TLE4: variants seen among roughly 807,000 people sequenced by gnomAD.
TLE4 encodes the protein TLE family member 4, transcriptional corepressor, also known as transducin-like enhancer protein 4.
Under a neutral mutation model 92.8 loss-of-function variants are expected in TLE4, and 8 were observed. The observed-to-expected ratio is 0.09, with a 90% CI of 0.05 to 0.16. The LOEUF is 0.16. Ranked by LOEUF, TLE4 falls within the 10% of genes least tolerant of loss-of-function variation. The pLI is 1.00. For synonymous variants in TLE4, 371 were observed against 374.1 expected (o/e 0.99, Z 0.10); for missense variants, 675 against 997.6 (o/e 0.68, Z 4.36).
chr9:79,663,144 C>T (rs2060819508), intron 8 of TLE4, among the ~76,000 whole-genome samples: 1 of 152,170 alleles, frequency 6.6e-6, no homozygotes, highest in Non-Finnish European at 1.5e-5. Context: ...TTGGGACTCG[C>T]ACAGCTAGCG....
At chr9:79,627,265 C>G in intron 5 of TLE4, 109 bp from the exon 6 acceptor site, 1 of 1,102,958 alleles carries the variant, frequency 9.1e-7, no homozygotes, top group Non-Finnish European at 1.4e-6. Context: ...TGGAGATCCC[C>G]CAAATGCTGT....
At chr9:79,625,915 T>A (rs975511674) in intron 5 of TLE4, among the ~76,000 whole-genome samples, 4 of 150,244 alleles carry the variant, frequency 2.7e-5, no homozygotes, top group Non-Finnish European at 4.4e-5. Flanking sequence ...TTATATATAT[T>A]TTGGGATTGC....
intron 6 of TLE4, among the ~76,000 whole-genome samples, chr9:79,631,942 C>A (rs1489111402): frequency 2.0e-5 from 3 of 152,190 alleles, no homozygotes; most frequent in Admixed American, 2.0e-4. Flanking sequence ...GATACATGGC[C>A]TCCAGTAACA....
At chr9:79,573,458 G>A in intron 1 of TLE4, 1 of 1,065,470 alleles carries the variant, frequency 9.4e-7, no homozygotes, top group East Asian at 3.5e-5. Context: ...CTCGGGGTCC[G>A]GGGCGCGGGG....
At position 79,725,326 on chromosome 9, in the gene TLE4, A is replaced by C; in HGVS notation, c.*182A>C. 2.0e-6 allele frequency: 1 copy of C among 497,314 alleles called. No individual in the cohort carries two copies. Among genetic ancestry groups the C allele is most frequent in the Non-Finnish European group, 3.6e-6 (1 of 276,274 alleles). The allele number at this position is 497,314 out of a possible 1,614,324, so 30.8% of individuals were successfully genotyped here. On this transcript the variant is annotated 3_prime_UTR_variant, in exon 20 of 20. Transcript: ENST00000376552. ...GCTATTGAATTGTGAATAGTCATTA[A>C]AAACCTGTGATACCAAATCTTCAGC...
chr9:79,693,604 C>T lies in TLE4; in HGVS notation c.610-11179C>T, dbSNP rs576151382. On this transcript the variant is annotated intron_variant, in intron 8 of 19. Transcript: ENST00000376552. The stretch of plus-strand genomic sequence containing the variant: ...TGTCCTGCGGTGGGACATGCATGCA[C>T]ACATGCCACACGTGTGCATGCATGG... 8.9e-5 allele frequency: 45 copies of T among 504,562 alleles called. 1 individual carries two copies. Among genetic ancestry groups the T allele is most frequent in the South Asian group, 6.5e-4 (45 of 68,944 alleles). 31.3% of individuals were successfully genotyped at this position (504,562 alleles called of 1,614,324 possible).
At chr9:79,616,977 C>T (rs974083872) in intron 5 of TLE4, among the ~76,000 whole-genome samples, 1 of 152,150 alleles carries the variant, frequency 6.6e-6, no homozygotes, top group Admixed American at 6.5e-5. Context: ...TTATATGTAT[C>T]AAAATGTAAC....
chr9:79,621,221 A>G (rs1466065079), intron 5 of TLE4, among the ~76,000 whole-genome samples: 1 of 152,194 alleles, frequency 6.6e-6, no homozygotes, highest in Admixed American at 6.5e-5. Context: ...ATCCTGACTT[A>G]GCAGACATGG....
At chr9:79,696,791 A>T (rs1216516347) in intron 8 of TLE4, among the ~76,000 whole-genome samples, 2 of 152,176 alleles carry the variant, frequency 1.3e-5, no homozygotes, top group Non-Finnish European at 2.9e-5. Flanking sequence ...CTGTTACCCT[A>T]CTTCAGCTTT....
At chr9:79,597,072 A>G (rs2044214803) in intron 4 of TLE4, among the ~76,000 whole-genome samples, 1 of 152,124 alleles carries the variant, frequency 6.6e-6, no homozygotes, top group South Asian at 2.1e-4. Flanking sequence ...CATATCATCC[A>G]GGTTTTACAC....
intron 4 of TLE4, among the ~76,000 whole-genome samples, chr9:79,605,977 A>G (rs983303005): frequency 1.3e-5 from 2 of 152,016 alleles, no homozygotes; most frequent in African/African-American, 4.8e-5. Flanking sequence ...TTCAATATTG[A>G]CACTTTCACA....
At chr9:79,596,112 C>T (rs1017879492) in intron 4 of TLE4, among the ~76,000 whole-genome samples, 9 of 152,246 alleles carry the variant, frequency 5.9e-5, no homozygotes, top group Non-Finnish European at 8.8e-5. Context: ...TCCCAAAGTG[C>T]TGGGATTACA....
At chr9:79,671,348 G>T (rs565721327) in intron 8 of TLE4, 4 of 446,270 alleles carry the variant, frequency 9.0e-6, no homozygotes, top group Non-Finnish European at 1.8e-5. Context: ...GGTAGGAAAA[G>T]CTAATAACTA....
intron 4 of TLE4, among the ~76,000 whole-genome samples, chr9:79,610,430 G>C (rs1457598417): frequency 6.6e-6 from 1 of 152,068 alleles, no homozygotes; most frequent in African/African-American, 2.4e-5. Flanking sequence ...GCTGGGTCCT[G>C]TGGGACAAAA....
At chr9:79,665,386 A>G (rs1238328495) in intron 8 of TLE4, among the ~76,000 whole-genome samples, 1 of 152,224 alleles carries the variant, frequency 6.6e-6, no homozygotes, top group African/African-American at 2.4e-5. Context: ...TGTTCCTGTT[A>G]AAATATGGAA....
chr9:79,590,524 T>C (rs2132288816), intron 4 of TLE4, among the ~76,000 whole-genome samples: 1 of 152,320 alleles, frequency 6.6e-6, no homozygotes, highest in South Asian at 2.1e-4. Flanking sequence ...TACAAAAACC[T>C]TCCTTTTGTA....
rs1564040237 is a variant in TLE4 at position 79,572,690 on chromosome 9, C to T, written c.-101C>T. On this transcript the variant is annotated 5_prime_UTR_variant, in exon 1 of 20. Coordinates refer to ENST00000376552, the MANE Select transcript of TLE4 (RefSeq NM_007005.6). Reference sequence around the variant, plus strand: ...GGACCGCCCGAGCCGCCCCTCAGACCGAGCCGGCCGCCTCCGCTGCCGCGG... The same window carrying T: ...GGACCGCCCGAGCCGCCCCTCAGACTGAGCCGGCCGCCTCCGCTGCCGCGG... 7.7e-7 allele frequency: 1 copy of T among 1,290,726 alleles called. No individual in the cohort carries two copies. The highest frequency in any genetic ancestry group is 1.1e-6 in the Non-Finnish European group (1 of 922,364). 80.0% of individuals were successfully genotyped at this position (1,290,726 alleles called of 1,614,324 possible).
chr9:79,641,943 G>A (rs72734304), intron 6 of TLE4, among the ~76,000 whole-genome samples: 16,244 of 151,558 alleles, frequency 0.11, 956 homozygotes, highest in African/African-American at 0.15. Flanking sequence ...AGTGGGCATA[G>A]TGGACTTTTT....
At chr9:79,657,966 C>T (rs916749601) in intron 8 of TLE4, among the ~76,000 whole-genome samples, 1 of 152,208 alleles carries the variant, frequency 6.6e-6, no homozygotes, top group African/African-American at 2.4e-5. Flanking sequence ...CAAGTCACAT[C>T]TATGAGGGAT....
Sources: allele counts gnomAD v4.1 joint callset (sites outside exome capture counted in the v4.1 genomes callset), GRCh38; gene constraint gnomAD v4.1.1; transcripts MANE v1.5; gene names NCBI Gene and HGNC (gene_info 2026-07-23, HGNC 2026-07-21).